Variants in DNER observed in about 807,000 individuals in gnomAD.
DNER encodes delta/notch like EGF repeat containing, also known as delta and Notch-like epidermal growth factor-related receptor.
DNER carries 33 observed loss-of-function variants against 78.2 expected under a neutral mutation model. The ratio of observed to expected loss-of-function variants is 0.42; its 90% CI spans 0.32 to 0.56. The LOEUF is 0.56. Among genes scored for constraint, DNER ranks in the 20% least tolerant of loss-of-function variants. The probability of loss-of-function intolerance (pLI) is 0.11; values close to 1 mark genes in which losing one functional copy is unlikely to be tolerated. For synonymous variants in DNER, 417 were observed against 384.8 expected (o/e 1.08, Z -0.98); for missense variants, 918 against 975.3 (o/e 0.94, Z 0.78).
chr2:229,588,622 A>G, intron 2 of DNER, 134 bp from the exon 3 acceptor site: 1 of 678,508 alleles, frequency 1.5e-6, no homozygotes, highest in South Asian at 1.9e-5. Flanking sequence ...GAGGAGATGA[A>G]GAAGTGAAGC....
At chr2:229,372,726 G>A (rs1248734949) in intron 11 of DNER, among the ~76,000 whole-genome samples, 1 of 152,248 alleles carries the variant, frequency 6.6e-6, no homozygotes, top group Non-Finnish European at 1.5e-5. Flanking sequence ...AGCAAGGACA[G>A]AGGCTGGTTC....
intron 6 of DNER, among the ~76,000 whole-genome samples, chr2:229,490,391 TTATTCAG>T (rs1695374402): frequency 6.6e-6 from 1 of 152,230 alleles, no homozygotes; most frequent in South Asian, 2.1e-4. Context: ...CAATGGAATA[TTATTCAG>T]GCATAAAAAG....
Position 229,398,460 on chromosome 2 carries a change from A to G in DNER, c.1723+8772T>C, listed in dbSNP as rs571305175. On this transcript the variant is annotated intron_variant, in intron 10 of 12. Coordinates refer to ENST00000341772, the MANE Select transcript of DNER (RefSeq NM_139072.4). ...AGCAAATTGATACAATCGGTTGCAG[A>G]AAACGGAATACAAAAGAACACTTCG... 2.0e-5 allele frequency among the ~76,000 whole-genome samples: 3 copies of G among 152,260 alleles called. No individual in the cohort carries two copies. The South Asian group carries it at 6.2e-4, about 32-fold the overall frequency.
intron 7 of DNER, among the ~76,000 whole-genome samples, chr2:229,466,664 G>A (rs1296904537): frequency 6.6e-6 from 1 of 152,068 alleles, no homozygotes; most frequent in Non-Finnish European, 1.5e-5. Context: ...AATAACCACT[G>A]CAAGGTAGGT....
rs10608275 is a variant in DNER at position 229,672,304 on chromosome 2, ACT to A, written c.276+41842_276+41843del. ...CAGCCGGGCACTCAGCATCTCTGTA[ACT>A]CTCTGTGTGGTCTCCAGCCTGGCAG... On this transcript the variant is annotated intron_variant, in intron 1 of 12. Coordinates refer to ENST00000341772, the MANE Select transcript of DNER (RefSeq NM_139072.4). Among the ~76,000 whole-genome samples, 511 of 151,626 alleles carry A rather than the reference ACT, an allele frequency of 3.4e-3. 4 individuals carry two copies. Among genetic ancestry groups the A allele is most frequent in the African/African-American group, 0.012 (480 of 41,284 alleles).
intron 1 of DNER, among the ~76,000 whole-genome samples, chr2:229,613,768 T>C (rs1025958357): frequency 6.6e-6 from 1 of 152,184 alleles, no homozygotes; most frequent in Non-Finnish European, 1.5e-5. Context: ...GAAAGACAGT[T>C]TGAGCTGGGT....
chr2:229,595,265 A>G (rs1299635771), intron 1 of DNER, among the ~76,000 whole-genome samples: 1 of 151,686 alleles, frequency 6.6e-6, no homozygotes, highest in Non-Finnish European at 1.5e-5. Flanking sequence ...ACCCAGAATA[A>G]AGGCCAAAGT....
intron 5 of DNER, among the ~76,000 whole-genome samples, chr2:229,546,476 C>T (rs1696628248): frequency 6.6e-6 from 1 of 152,240 alleles, no homozygotes; most frequent in Non-Finnish European, 1.5e-5. Context: ...TGGCTCATGC[C>T]TGTAATCTCA....
chr2:229,626,158 A>T (rs972822817), intron 1 of DNER, among the ~76,000 whole-genome samples: 2 of 152,262 alleles, frequency 1.3e-5, no homozygotes, highest in African/African-American at 4.8e-5. Context: ...CGACCTCGTG[A>T]TCCGCCTGCC....
chr2:229,392,717 G>A (rs1030091155), intron 10 of DNER, among the ~76,000 whole-genome samples: 1 of 152,106 alleles, frequency 6.6e-6, no homozygotes, highest in African/African-American at 2.4e-5. Context: ...CCTTAGTAAT[G>A]GGGCACAACT....
At chr2:229,615,280 A>G (rs111614285) in intron 1 of DNER, among the ~76,000 whole-genome samples, 135 of 151,990 alleles carry the variant, frequency 8.9e-4, no homozygotes, top group East Asian at 5.1e-3. Flanking sequence ...GCGTGGTGGC[A>G]CATGCCTGTA....
intron 5 of DNER, among the ~76,000 whole-genome samples, chr2:229,516,700 G>A (rs1250670714): frequency 1.3e-5 from 2 of 150,704 alleles, no homozygotes; most frequent in Non-Finnish European, 2.9e-5. Context: ...GAAGACGACT[G>A]CATGACCCCA....
intron 1 of DNER, among the ~76,000 whole-genome samples, chr2:229,674,311 CTCTA>C (rs1699264202): frequency 6.6e-6 from 1 of 152,198 alleles, no homozygotes; most frequent in African/African-American, 2.4e-5. Flanking sequence ...TGGAGTCTTG[CTCTA>C]TCACCCAGGC....
chr2:229,476,018 G>T (rs982799690), intron 7 of DNER, among the ~76,000 whole-genome samples: 5 of 152,128 alleles, frequency 3.3e-5, no homozygotes, highest in Non-Finnish European at 7.3e-5. Flanking sequence ...CCAAGTTTTC[G>T]CATTTGTTTA....
chr2:229,684,377 C>T (rs1699449390), intron 1 of DNER, among the ~76,000 whole-genome samples: 1 of 151,962 alleles, frequency 6.6e-6, no homozygotes, highest in African/African-American at 2.4e-5. Context: ...CCATCCCCCT[C>T]TTCATCGGCT....
chr2:229,400,002 TG>T (rs1391081223), intron 10 of DNER, among the ~76,000 whole-genome samples: 16 of 151,896 alleles, frequency 1.1e-4, no homozygotes, highest in Admixed American at 1.0e-3. Flanking sequence ...GCAAAATAAG[TG>T]GTACATAAAC....
chr2:229,471,858 G>T (rs1375273545), intron 7 of DNER, among the ~76,000 whole-genome samples: 2 of 152,128 alleles, frequency 1.3e-5, no homozygotes, highest in Non-Finnish European at 2.9e-5. Context: ...AGGTAGGTCC[G>T]GATTTCAAAC....
chr2:229,590,985 C>T (rs947743221), intron 2 of DNER, among the ~76,000 whole-genome samples: 5 of 152,208 alleles, frequency 3.3e-5, no homozygotes, highest in Admixed American at 3.3e-4. Context: ...CTCACTCTTG[C>T]CATGTGACAC....
intron 9 of DNER, among the ~76,000 whole-genome samples, chr2:229,417,377 C>A (rs890242337): frequency 6.6e-6 from 1 of 152,180 alleles, no homozygotes; most frequent in Non-Finnish European, 1.5e-5. Flanking sequence ...AACCCGGCCC[C>A]GTAGTTATGG....
Sources: allele counts gnomAD v4.1 joint callset (sites outside exome capture counted in the v4.1 genomes callset), GRCh38; gene constraint gnomAD v4.1.1; transcripts MANE v1.5; gene names NCBI Gene and HGNC (gene_info 2026-07-23, HGNC 2026-07-21).